Variants in ERGIC2 observed in about 807,000 individuals in gnomAD.
ERGIC2 encodes the protein ERGIC and golgi 2, also known as endoplasmic reticulum-Golgi intermediate compartment protein 2.
In ERGIC2, 31 loss-of-function variants were observed where a neutral mutation model predicts 52.5. That is an observed-to-expected ratio of 0.59 (90% CI 0.44 to 0.80). The LOEUF is 0.80. ERGIC2 is among the 30% of genes least tolerant of loss of function. ERGIC2 has a pLI of 0.00. For missense variants in ERGIC2, 395 were observed against 455.2 expected (o/e 0.87, Z 1.20); for synonymous variants, 129 against 140.6 (o/e 0.92, Z 0.58).
chr12:29,356,909 T>G (rs995837663), intron 7 of ERGIC2, among the ~76,000 whole-genome samples: 2 of 152,064 alleles, frequency 1.3e-5, no homozygotes, highest in African/African-American at 4.8e-5. Flanking sequence ...TAAGCAAATG[T>G]AAAATCTTGT....
At chr12:29,359,233 A>T (rs1169069946) in intron 6 of ERGIC2, among the ~76,000 whole-genome samples, 1 of 151,968 alleles carries the variant, frequency 6.6e-6, no homozygotes, top group Non-Finnish European at 1.5e-5. Context: ...ACATTTAAAG[A>T]CATTGAATCT....
chr12:29,361,552 T>A lies in ERGIC2; in HGVS notation c.374+93A>T, dbSNP rs567075703. On this transcript the variant is annotated intron_variant, in intron 6 of 13. Transcript: ENST00000360150. ...TCTGCTAAGAATTCATCCAAAGAAA[T>A]CCCTAGAGAAATGTGTTAATCTATA... The A allele has an allele frequency of 8.8e-4, 770 of 875,340 alleles. 20 individuals are homozygous for A. The South Asian group carries it at 0.018, about 20-fold the overall frequency. 54.2% of individuals were successfully genotyped at this position (875,340 alleles called of 1,614,324 possible).
chr12:29,354,192 T>C (rs1940172087), intron 8 of ERGIC2, among the ~76,000 whole-genome samples: 1 of 152,212 alleles, frequency 6.6e-6, no homozygotes, highest in African/African-American at 2.4e-5. Flanking sequence ...ATTATAATAA[T>C]CTGAGTCTAG....
At chr12:29,380,351 T>C (rs1461709553) in intron 1 of ERGIC2, among the ~76,000 whole-genome samples, 2 of 152,090 alleles carry the variant, frequency 1.3e-5, no homozygotes, top group Non-Finnish European at 2.9e-5. Context: ...ACTGTAACTT[T>C]CATTGCTTCT....
chr12:29,372,258 G>A (rs186085047), intron 1 of ERGIC2, among the ~76,000 whole-genome samples: 28 of 152,086 alleles, frequency 1.8e-4, no homozygotes, highest in Admixed American at 4.6e-4. Flanking sequence ...CAGGAGAATC[G>A]CTTGAACCTG....
intron 1 of ERGIC2, among the ~76,000 whole-genome samples, chr12:29,375,529 C>A (rs1940503127): frequency 6.6e-6 from 1 of 152,148 alleles, no homozygotes; most frequent in South Asian, 2.1e-4. Context: ...CAGTGGCCAT[C>A]ACATAGTCAG....
In ERGIC2 at chr12:29,340,384, T is replaced by C. The variant is rs1333892160; in HGVS notation, c.*772A>G. The C allele has an allele frequency of 1.3e-5, 2 of 152,502 alleles. No homozygotes were observed. Among genetic ancestry groups the C allele is most frequent in the South Asian group, 2.1e-4 (1 of 4,836 alleles). 9.4% of individuals were successfully genotyped at this position (152,502 alleles called of 1,614,324 possible). On this transcript the variant is annotated 3_prime_UTR_variant, in exon 14 of 14. Coordinates refer to ENST00000360150, the MANE Select transcript of ERGIC2 (RefSeq NM_016570.3). ...TAATATAATGATTAGATTAAAAAAC[T>C]TGGCATCTTTTTTAAAAAAATGTGC... is the stretch of plus-strand genomic sequence containing the variant.
intron 1 of ERGIC2, among the ~76,000 whole-genome samples, chr12:29,375,876 T>G (rs1038349783): frequency 6.6e-6 from 1 of 152,086 alleles, no homozygotes; most frequent in Non-Finnish European, 1.5e-5. Context: ...CTAACCTACC[T>G]CCAAGAAATT....
rs373946389 is a variant in ERGIC2 at position 29,371,664 on chromosome 12, A to T, written c.-31T>A. Reference sequence around the variant, plus strand: ...GGAAAACCTTCCTCTTCCTTCATATAGTCATGCTAAGGAATAAATAAATTA... The same window carrying T: ...GGAAAACCTTCCTCTTCCTTCATATTGTCATGCTAAGGAATAAATAAATTA... On this transcript the variant is annotated 5_prime_UTR_variant, in exon 2 of 14. Transcript: ENST00000360150. 2.2e-6 allele frequency: 3 copies of T among 1,335,376 alleles called. No homozygotes were observed. The highest frequency in any genetic ancestry group is 3.2e-6 in the Non-Finnish European group (3 of 928,674). The allele number at this position is 1,335,376 out of a possible 1,614,324, so 82.7% of individuals were successfully genotyped here. A position where few individuals can be genotyped will look rare whatever the true frequency, so the allele number is the denominator to read the frequency against.
Position 29,345,998 on chromosome 12 carries a change from C to T in ERGIC2, c.728-458G>A, listed in dbSNP as rs1205249272. 4.6e-5 allele frequency among the ~76,000 whole-genome samples: 7 copies of T among 151,820 alleles called. No homozygotes were observed. The East Asian group carries it at 1.2e-3, about 25-fold the overall frequency. On this transcript the variant is annotated intron_variant, in intron 10 of 13. Transcript: ENST00000360150. ...ATCTGAAATGTAATGTTACATACAACTTAATGTCTAACAAAAAAAATTTTT... is the reference window on the plus strand; with the variant it reads ...ATCTGAAATGTAATGTTACATACAATTTAATGTCTAACAAAAAAAATTTTT...
In ERGIC2 at chr12:29,366,195, A is replaced by G. The variant is rs533441924; in HGVS notation, c.333+682T>C. 3.9e-5 allele frequency among the ~76,000 whole-genome samples: 6 copies of G among 152,126 alleles called. No homozygotes were observed. In the East Asian group the frequency reaches 1.2e-3, roughly 29 times the overall value. On this transcript the variant is annotated intron_variant, in intron 5 of 13. Coordinates refer to ENST00000360150, the MANE Select transcript of ERGIC2 (RefSeq NM_016570.3). ...CCACCATGCCAACAGAGCAACTTTT[A>G]GCTGCTGAGGGCCTCATGCTTATTC...
chr12:29,368,300 A>G lies in ERGIC2; in HGVS notation c.216-13T>C. 1 of 1,368,498 alleles carries G rather than the reference A, an allele frequency of 7.3e-7. No homozygotes were observed. Among genetic ancestry groups the G allele is most frequent in the Non-Finnish European group, 1.0e-6 (1 of 959,170 alleles). The allele number at this position is 1,368,498 out of a possible 1,614,324, so 84.8% of individuals were successfully genotyped here. ...AATTCTTAATTTGCTGAAAGACAAA[A>G]TATTAAACATTAGTACCTACCAATT... is the stretch of plus-strand genomic sequence containing the variant. On this transcript the variant is annotated splice_polypyrimidine_tract_variant and intron_variant, in intron 3 of 13. Transcript: ENST00000360150.
At chr12:29,346,658 A>C (rs905320362) in intron 10 of ERGIC2, among the ~76,000 whole-genome samples, 2 of 152,212 alleles carry the variant, frequency 1.3e-5, no homozygotes, top group Non-Finnish European at 2.9e-5. Flanking sequence ...GTAGGAAGAA[A>C]ACTAAAGAAA....
rs554142775 is a variant in ERGIC2 at position 29,350,377 on chromosome 12, T to G, written c.573-309A>C. On this transcript the variant is annotated intron_variant, in intron 8 of 13. Transcript: ENST00000360150. ...AAGCAAATTTTCACAAACTTTTCAT[T>G]GATATAATAGTAATGAGTCCTTTTT... Among the ~76,000 whole-genome samples, 118 of 152,186 alleles carry G rather than the reference T, an allele frequency of 7.8e-4. 1 individual carries two copies. Among genetic ancestry groups the G allele is most frequent in the African/African-American group, 2.7e-3 (114 of 41,574 alleles).
At chr12:29,365,930 T>G (rs1486678704) in intron 5 of ERGIC2, among the ~76,000 whole-genome samples, 1 of 151,978 alleles carries the variant, frequency 6.6e-6, no homozygotes, top group African/African-American at 2.4e-5. Context: ...TGTAGAAATT[T>G]CTATTTAAAA....
At position 29,340,410 on chromosome 12, in the gene ERGIC2, T is replaced by C. The variant is rs1256986553; in HGVS notation, c.*746A>G. ...TGGCATCTTTTTTAAAAAAATGTGC[T>C]TTCTTTTCCGTGTATAAGATTCTAC... On this transcript the variant is annotated 3_prime_UTR_variant, in exon 14 of 14. Coordinates refer to ENST00000360150, the MANE Select transcript of ERGIC2 (RefSeq NM_016570.3). 1 of 152,338 alleles carries C rather than the reference T, an allele frequency of 6.6e-6. No individual in the cohort carries two copies. Among genetic ancestry groups the C allele is most frequent in the Non-Finnish European group, 1.5e-5 (1 of 68,142 alleles). 9.4% of individuals were successfully genotyped at this position (152,338 alleles called of 1,614,324 possible).
chr12:29,358,367 T>G (rs10843393), intron 6 of ERGIC2, among the ~76,000 whole-genome samples: 1 of 152,052 alleles, frequency 6.6e-6, no homozygotes, highest in Non-Finnish European at 1.5e-5. Context: ...TAAGTACAAA[T>G]GTTATACACA....
intron 1 of ERGIC2, among the ~76,000 whole-genome samples, chr12:29,375,062 A>T (rs919129319): frequency 1.3e-5 from 2 of 152,020 alleles, no homozygotes; most frequent in African/African-American, 4.8e-5. Flanking sequence ...ATCACTTTCA[A>T]TTCCTTAAAT....
chr12:29,365,113 T>C lies in ERGIC2; in HGVS notation c.333+1764A>G, dbSNP rs1233918409. On this transcript the variant is annotated intron_variant, in intron 5 of 13. Transcript: ENST00000360150. ...AGCAATCCCATTACTGGGTATATACTCAAAGGAAAATAAATCATTGTATGC... is the reference window on the plus strand; with the variant it reads ...AGCAATCCCATTACTGGGTATATACCCAAAGGAAAATAAATCATTGTATGC... 5.3e-5 allele frequency among the ~76,000 whole-genome samples: 8 copies of C among 151,956 alleles called. No individual in the cohort carries two copies. The East Asian group carries it at 1.5e-3, about 29-fold the overall frequency.
Sources: allele counts gnomAD v4.1 joint callset (sites outside exome capture counted in the v4.1 genomes callset), GRCh38; gene constraint gnomAD v4.1.1; transcripts MANE v1.5; gene names NCBI Gene and HGNC (gene_info 2026-07-23, HGNC 2026-07-21).